GPD2: variants seen among roughly 807,000 people sequenced by gnomAD.
GPD2 encodes the protein glycerol-3-phosphate dehydrogenase, mitochondrial.
Under a neutral mutation model 82.4 loss-of-function variants are expected in GPD2, and 54 were observed. The ratio of observed to expected loss-of-function variants is 0.66; its 90% CI spans 0.53 to 0.82. The LOEUF (loss-of-function observed/expected upper bound fraction) is 0.82, where lower values mean the gene tolerates loss of function less well. Ranked by LOEUF, GPD2 falls within the 40% of genes least tolerant of loss-of-function variation. The pLI, the probability that GPD2 is intolerant of heterozygous loss-of-function variation, is 0.00. For missense variants in GPD2, 748 were observed against 896.2 expected, an observed-to-expected ratio of 0.83 and a Z score of 2.11; for synonymous variants, 288 against 306.1, an observed-to-expected ratio of 0.94 and a Z score of 0.62.
At chr2:156,419,965 G>A in the GPD2 span, among the ~76,000 whole-genome samples, 2 of 152,114 alleles carry the variant, frequency 1.3e-5, no homozygotes, top group Admixed American at 6.5e-5. Flanking sequence ...ACAGAAAATT[G>A]TAGAATACAC....
In GPD2 at chr2:156,569,425, C is replaced by A; in HGVS notation, c.1363C>A (p.His455Asn). 1 of 1,611,364 alleles carries A rather than the reference C, an allele frequency of 6.2e-7. No individual in the cohort carries two copies. Among genetic ancestry groups the A allele is most frequent in the Non-Finnish European group, 8.5e-7 (1 of 1,177,648 alleles). Residue 455 changes from histidine to asparagine, a missense_variant, in exon 11 of 17, where the codon CAT (histidine) becomes AAT (asparagine). His to Asn is a moderately conservative substitution (Grantham distance 68). Around this residue, in one of 3 missense-constraint regions of GPD2, gnomAD observed 692 missense variants for 809.7 expected, o/e 0.85. Transcript: ENST00000438166. ...TACCATAAATGCTGCTGTCAAAACT[C>A]ATAATTTAAAAGCAGGACCAAGTAG... ...EDTINAAVKT[H>N]NLKAGPSRTV...
chr2:156,575,909 A>C lies in GPD2; in HGVS notation c.1768-2980A>C, dbSNP rs182431696. ...TCTTGACCTAGTCTACCTTGATTCAAATGGTTAAATTACAATGTTGATGGC... is the reference window on the plus strand; with the variant it reads ...TCTTGACCTAGTCTACCTTGATTCACATGGTTAAATTACAATGTTGATGGC... On this transcript the variant is annotated intron_variant, in intron 13 of 16. Coordinates refer to ENST00000438166, the MANE Select transcript of GPD2 (RefSeq NM_000408.5). Among the ~76,000 whole-genome samples the C allele has an allele frequency of 2.6e-5, 4 of 152,324 alleles. 1 individual carries two copies. The highest frequency in any genetic ancestry group is 1.3e-4 in the Admixed American group (2 of 15,300).
At chr2:156,498,777 T>G (rs1329621507) in intron 3 of GPD2, among the ~76,000 whole-genome samples, 1 of 152,130 alleles carries the variant, frequency 6.6e-6, no homozygotes, top group Non-Finnish European at 1.5e-5. Context: ...GATGGTGTGG[T>G]AGGATATAAA....
chr2:156,582,465 A>G (rs888751242), intron 16 of GPD2, among the ~76,000 whole-genome samples: 6 of 143,498 alleles, frequency 4.2e-5, no homozygotes, highest in Admixed American at 3.6e-4. Context: ...GGAATTAAAG[A>G]TCCAATATTT....
chr2:156,568,882 C>T lies in GPD2; in HGVS notation c.1223C>T (p.Pro408Leu). Residue 408 changes from proline to leucine, a missense_variant, in exon 10 of 17, where the codon CCC becomes CTC. By Grantham distance (98) the Pro-to-Leu change is moderately conservative (BLOSUM62 -3). Coordinates refer to ENST00000438166, the MANE Select transcript of GPD2 (RefSeq NM_000408.5). ...GGAATCCGTCCTCTTGTTACAGACC[C>T]CAAATCTGCAGATACTCAGTCTATC... Reference protein sequence around the residue: ...WSGIRPLVTDPKSADTQSISR... With the variant: ...WSGIRPLVTDLKSADTQSISR... 1.2e-6 allele frequency: 2 copies of T among 1,612,446 alleles called. No individual in the cohort carries two copies. The highest frequency in any genetic ancestry group is 1.7e-6 in the Non-Finnish European group (2 of 1,178,590).
At chr2:156,527,748 T>A (rs1007860324) in intron 6 of GPD2, among the ~76,000 whole-genome samples, 1 of 152,164 alleles carries the variant, frequency 6.6e-6, no homozygotes, top group African/African-American at 2.4e-5. Context: ...ATGTCAAAGA[T>A]GATTAACATG....
chr2:156,439,296 G>A (rs1446342375), intron 1 of GPD2, among the ~76,000 whole-genome samples: 2 of 151,838 alleles, frequency 1.3e-5, no homozygotes, highest in Admixed American at 1.3e-4. Context: ...GTGTCAGATA[G>A]GCCAGGTGCA....
chr2:156,524,237 A>G (rs988917118), intron 6 of GPD2, among the ~76,000 whole-genome samples: 3 of 144,276 alleles, frequency 2.1e-5, no homozygotes, highest in African/African-American at 7.7e-5. Context: ...GGTTTTATGT[A>G]ACAGTTTCCC....
At chr2:156,550,423 A>C (rs1174945972) in intron 7 of GPD2, among the ~76,000 whole-genome samples, 179 bp from the exon 8 acceptor site, 1 of 152,176 alleles carries the variant, frequency 6.6e-6, no homozygotes, top group Non-Finnish European at 1.5e-5. Flanking sequence ...GTTTTTGGTA[A>C]ATTCACTCAG....
chr2:156,446,864 A>G (rs991118230), intron 1 of GPD2, among the ~76,000 whole-genome samples: 36 of 152,124 alleles, frequency 2.4e-4, no homozygotes, highest in African/African-American at 8.0e-4. Context: ...CTTGCCTTCT[A>G]TTATTCTGAG....
chr2:156,411,862 T>C, the GPD2 span, among the ~76,000 whole-genome samples: 1 of 152,200 alleles, frequency 6.6e-6, no homozygotes, highest in Non-Finnish European at 1.5e-5. Flanking sequence ...TTTAAAATGT[T>C]TGAATCATTG....
chr2:156,459,686 CA>C lies in GPD2; in HGVS notation c.-8-16389del, dbSNP rs564494059. On this transcript the variant is annotated intron_variant, in intron 1 of 16. Coordinates refer to ENST00000438166, the MANE Select transcript of GPD2 (RefSeq NM_000408.5). Reference sequence around the variant, plus strand: ...CTGGCGACAGAGCAAGACTCCGTCTCAAAAAAAAAAAAAAAAAAAAAAAGAA... The same window carrying C: ...CTGGCGACAGAGCAAGACTCCGTCTCAAAAAAAAAAAAAAAAAAAAAAGAA... Among the ~76,000 whole-genome samples the C allele has an allele frequency of 3.9e-3, 153 of 38,772 alleles. 1 individual carries two copies. Among genetic ancestry groups the C allele is most frequent in the Middle Eastern group, 0.018 (1 of 56 alleles). 25.4% of individuals were successfully genotyped at this position (38,772 alleles called of 152,430 possible). A position where few individuals can be genotyped will look rare whatever the true frequency, so the allele number is the denominator to read the frequency against.
intron 6 of GPD2, among the ~76,000 whole-genome samples, chr2:156,529,535 A>G (rs1482323245): frequency 6.6e-6 from 1 of 151,646 alleles, no homozygotes; most frequent in African/African-American, 2.4e-5. Flanking sequence ...CTGAATGGTA[A>G]TGCCTAGGTT....
chr2:156,534,761 A>G (rs1460683352), intron 6 of GPD2, among the ~76,000 whole-genome samples: 1 of 152,138 alleles, frequency 6.6e-6, no homozygotes, highest in Non-Finnish European at 1.5e-5. Flanking sequence ...TAAGTCAGCT[A>G]ATGTGATAGG....
At chr2:156,502,381 A>G (rs1291490236) in intron 3 of GPD2, among the ~76,000 whole-genome samples, 1 of 152,158 alleles carries the variant, frequency 6.6e-6, no homozygotes, top group African/African-American at 2.4e-5. Context: ...AATATTTACA[A>G]AATAGCAAAC....
intron 6 of GPD2, among the ~76,000 whole-genome samples, chr2:156,514,578 C>T (rs956162386): frequency 2.6e-5 from 4 of 151,860 alleles, no homozygotes; most frequent in Non-Finnish European, 4.4e-5. Context: ...TCCAGTGTTA[C>T]ATTTCTGAAC....
intron 2 of GPD2, among the ~76,000 whole-genome samples, chr2:156,479,982 A>G (rs1412620504): frequency 6.6e-6 from 1 of 152,206 alleles, no homozygotes; most frequent in Non-Finnish European, 1.5e-5. Context: ...TGGAGCAAGC[A>G]GAGACACTCT....
chr2:156,420,408 T>G, the GPD2 span, among the ~76,000 whole-genome samples: 2 of 152,262 alleles, frequency 1.3e-5, no homozygotes, highest in Non-Finnish European at 2.9e-5. Flanking sequence ...CCTGACCTCA[T>G]GATCAGCTCG....
chr2:156,492,327 T>C (rs1338391519), intron 2 of GPD2, among the ~76,000 whole-genome samples: 1 of 151,498 alleles, frequency 6.6e-6, no homozygotes, highest in Admixed American at 6.6e-5. Context: ...CTAATTTTTG[T>C]ATTTTTAGTA....
Sources: gnomAD v4.1 joint callset for allele counts (sites outside exome capture counted in the v4.1 genomes callset) on GRCh38, gnomAD v4.1.1 for gene constraint, gnomAD v4.1.1 regional missense constraint, MANE v1.5 for transcripts, NCBI Gene and HGNC (gene_info 2026-07-23, HGNC 2026-07-21) for gene names.